HTR1E: variants seen among roughly 807,000 people sequenced by gnomAD.
HTR1E encodes the protein 5-hydroxytryptamine receptor 1E, also known as 5-HT-1E.
HTR1E carries 3 observed loss-of-function variants against 3.4 expected under a neutral mutation model. The observed-to-expected ratio is 0.89, with a 90% CI of 0.41 to 2.31. HTR1E has a LOEUF of 2.31. HTR1E is among the 30% of genes most tolerant of loss of function. The probability of loss-of-function intolerance (pLI) is 0.05; values close to 1 mark genes in which losing one functional copy is unlikely to be tolerated. For synonymous variants in HTR1E, 170 were observed against 182.8 expected, an observed-to-expected ratio of 0.93 and a Z score of 0.56; for missense variants, 392 against 467.0, an observed-to-expected ratio of 0.84 and a Z score of 1.48.
intron 1 of HTR1E, among the ~76,000 whole-genome samples, chr6:86,988,268 T>C (rs903926355): frequency 1.3e-5 from 2 of 152,160 alleles, no homozygotes; most frequent in Non-Finnish European, 2.9e-5. Flanking sequence ...TGCAGCCCAC[T>C]ATGAGTTTAC....
At chr6:86,988,281 C>T (rs1001382908) in intron 1 of HTR1E, among the ~76,000 whole-genome samples, 24 of 152,084 alleles carry the variant, frequency 1.6e-4, no homozygotes, top group Non-Finnish European at 2.6e-4. Context: ...GAGTTTACCA[C>T]GGGAAGTACA....
intron 1 of HTR1E, among the ~76,000 whole-genome samples, chr6:86,951,338 A>G (rs1282426443): frequency 6.6e-6 from 1 of 152,158 alleles, no homozygotes; most frequent in African/African-American, 2.4e-5. Context: ...ACAGCCTTTG[A>G]AATATTTGTT....
chr6:86,992,359 G>A (rs937409715), intron 1 of HTR1E, among the ~76,000 whole-genome samples: 6 of 152,020 alleles, frequency 3.9e-5, no homozygotes, highest in African/African-American at 1.4e-4. Flanking sequence ...GGAAGGCCTG[G>A]GCATAGCTTG....
chr6:86,938,422 G>A (rs1768501323), intron 1 of HTR1E, among the ~76,000 whole-genome samples: 1 of 152,032 alleles, frequency 6.6e-6, no homozygotes, highest in African/African-American at 2.4e-5. Flanking sequence ...TGAGAAGTTT[G>A]GTCTTAAGCC....
intron 1 of HTR1E, among the ~76,000 whole-genome samples, chr6:86,942,842 A>G (rs1315066818): frequency 6.6e-6 from 1 of 152,224 alleles, no homozygotes; most frequent in Non-Finnish European, 1.5e-5. Flanking sequence ...GGTGACTTAC[A>G]TATAAATGAA....
chr6:86,991,966 C>T (rs1258392312), intron 1 of HTR1E, among the ~76,000 whole-genome samples: 3 of 152,098 alleles, frequency 2.0e-5, no homozygotes, highest in Non-Finnish European at 2.9e-5. Flanking sequence ...AACCATTTTG[C>T]CAATCACTTG....
chr6:86,955,048 T>C (rs1198139703), intron 1 of HTR1E, among the ~76,000 whole-genome samples: 15 of 152,214 alleles, frequency 9.9e-5, no homozygotes, highest in Non-Finnish European at 1.5e-5. Context: ...CCAGTTCTTA[T>C]GACTTTACCA....
chr6:87,000,924 T>C (rs1488741602), intron 1 of HTR1E, among the ~76,000 whole-genome samples: 4 of 152,162 alleles, frequency 2.6e-5, no homozygotes, highest in Non-Finnish European at 4.4e-5. Flanking sequence ...TCAGAAATAA[T>C]AACTACAACA....
chr6:86,969,060 C>T (rs761735332), intron 1 of HTR1E, among the ~76,000 whole-genome samples: 1 of 152,094 alleles, frequency 6.6e-6, no homozygotes, highest in Non-Finnish European at 1.5e-5. Context: ...GTTTGAAATA[C>T]TTCTGTCATA....
intron 1 of HTR1E, among the ~76,000 whole-genome samples, chr6:86,947,364 G>A (rs564583574): frequency 1.8e-4 from 28 of 152,190 alleles, no homozygotes; most frequent in African/African-American, 6.7e-4. Context: ...TGATTCTTGT[G>A]TTATCTACAT....
intron 1 of HTR1E, among the ~76,000 whole-genome samples, chr6:86,964,894 G>GTAC (rs1016042014): frequency 1.0e-3 from 153 of 152,118 alleles, no homozygotes; most frequent in African/African-American, 3.5e-3. Context: ...AAACAACATA[G>GTAC]TACTAGTAAA....
At chr6:86,979,630 G>A (rs945085846) in intron 1 of HTR1E, among the ~76,000 whole-genome samples, 2 of 152,170 alleles carry the variant, frequency 1.3e-5, no homozygotes, top group African/African-American at 4.8e-5. Flanking sequence ...GACATGTAAT[G>A]ACAATATATT....
chr6:86,940,290 C>T (rs1347269546), intron 1 of HTR1E, among the ~76,000 whole-genome samples: 1 of 151,986 alleles, frequency 6.6e-6, no homozygotes, highest in African/African-American at 2.4e-5. Flanking sequence ...AATTCCAACA[C>T]TTTAGGAGGC....
At chr6:86,980,244 G>A (rs564017716) in intron 1 of HTR1E, among the ~76,000 whole-genome samples, 21 of 152,084 alleles carry the variant, frequency 1.4e-4, no homozygotes, top group African/African-American at 2.6e-4. Flanking sequence ...AAAAATAGCC[G>A]GGCATGGTGG....
intron 1 of HTR1E, among the ~76,000 whole-genome samples, chr6:87,013,319 T>A (rs1768265348): frequency 6.6e-6 from 1 of 152,126 alleles, no homozygotes; most frequent in South Asian, 2.1e-4. Context: ...CACTAACCAG[T>A]TTGGTTTAGA....
chr6:86,962,212 C>T (rs926098189), intron 1 of HTR1E, among the ~76,000 whole-genome samples: 2 of 152,130 alleles, frequency 1.3e-5, no homozygotes, highest in African/African-American at 4.8e-5. Flanking sequence ...ATCCCCAATC[C>T]TGGAGCACAT....
chr6:87,014,380 T>C (rs1241450987), intron 1 of HTR1E, among the ~76,000 whole-genome samples: 1 of 151,904 alleles, frequency 6.6e-6, no homozygotes, highest in African/African-American at 2.4e-5. Context: ...AGATCAACCA[T>C]TGTGGAAGAC....
intron 1 of HTR1E, among the ~76,000 whole-genome samples, chr6:87,001,839 A>G (rs1196981279): frequency 5.3e-5 from 8 of 152,204 alleles, no homozygotes; most frequent in Admixed American, 5.2e-4. Context: ...ATGTCTATCA[A>G]AAAAGAACTA....
chr6:86,980,592 G>A (rs956774816), intron 1 of HTR1E, among the ~76,000 whole-genome samples: 10 of 151,976 alleles, frequency 6.6e-5, no homozygotes, highest in African/African-American at 1.5e-4. Context: ...AATCCTTTCC[G>A]TTTAGTTAAT....
Sources: allele counts gnomAD v4.1 joint callset (sites outside exome capture counted in the v4.1 genomes callset), GRCh38; gene constraint gnomAD v4.1.1; transcripts MANE v1.5; gene names NCBI Gene and HGNC (gene_info 2026-07-23, HGNC 2026-07-21).